TIAM1: variants seen among roughly 807,000 people sequenced by gnomAD.
The protein encoded by TIAM1 is rho guanine nucleotide exchange factor TIAM1.
In TIAM1, 65 loss-of-function variants were observed where a neutral mutation model predicts 163.5. The observed-to-expected ratio is 0.40, with a 90% CI of 0.33 to 0.49. The LOEUF is 0.49. TIAM1 is among the 20% of genes least tolerant of loss of function. The pLI, the probability that TIAM1 is intolerant of heterozygous loss-of-function variation, is 0.77. For missense variants in TIAM1, 1,789 were observed against 2,044.7 expected, an observed-to-expected ratio of 0.87 and a Z score of 2.41; for synonymous variants, 833 against 810.1, an observed-to-expected ratio of 1.03 and a Z score of -0.48.
intron 2 of TIAM1, among the ~76,000 whole-genome samples, chr21:31,437,844 C>T (rs1182929869): frequency 6.6e-6 from 1 of 152,182 alleles, no homozygotes; most frequent in Non-Finnish European, 1.5e-5. Flanking sequence ...GCCAATTAAA[C>T]CTCTTCTCTT....
intron 1 of TIAM1, among the ~76,000 whole-genome samples, chr21:31,482,056 A>G (rs2046124956): frequency 1.0e-5 from 1 of 100,322 alleles, no homozygotes; most frequent in Admixed American, 1.1e-4. Context: ...AGGAACTGGG[A>G]CAAAGTGTGT....
intron 2 of TIAM1, among the ~76,000 whole-genome samples, chr21:31,388,528 C>T (rs1011197112): frequency 6.6e-6 from 1 of 152,104 alleles, no homozygotes; most frequent in Middle Eastern, 3.4e-3. Context: ...CATGGTGATG[C>T]ACACCTATAG....
At chr21:31,407,932 C>A (rs1439586826) in intron 2 of TIAM1, among the ~76,000 whole-genome samples, 2 of 152,108 alleles carry the variant, frequency 1.3e-5, no homozygotes, top group Non-Finnish European at 1.5e-5. Context: ...GCCACCGGGC[C>A]CAGCCTAAAT....
At chr21:31,539,426 C>T (rs1018165024) in intron 1 of TIAM1, among the ~76,000 whole-genome samples, 2 of 151,210 alleles carry the variant, frequency 1.3e-5, no homozygotes, top group African/African-American at 2.5e-5. Context: ...CCACCACACC[C>T]GGCTAATTTT....
chr21:31,411,193 G>A (rs2077351845), intron 2 of TIAM1, among the ~76,000 whole-genome samples: 2 of 152,150 alleles, frequency 1.3e-5, no homozygotes, highest in Non-Finnish European at 2.9e-5. Flanking sequence ...GGGCAAAGAG[G>A]AGAGTAAGAA....
At chr21:31,207,325 T>C (rs536478595) in intron 11 of TIAM1, among the ~76,000 whole-genome samples, 5 of 152,276 alleles carry the variant, frequency 3.3e-5, no homozygotes, top group Non-Finnish European at 5.9e-5. Context: ...GGCAAACTGA[T>C]GTGAAATGAT....
At position 31,141,313 on chromosome 21, in the gene TIAM1, G is replaced by C; in HGVS notation, c.3655+12C>G. 6.2e-7 allele frequency: 1 copy of C among 1,613,842 alleles called. No individual in the cohort carries two copies. Among genetic ancestry groups the C allele is most frequent in the Non-Finnish European group, 8.5e-7 (1 of 1,179,840 alleles). ...GACTCAGGCCTGCCGGGGGTCCCAG[G>C]CCGAGGCCTACCGTCCAGGTGGTAG... On this transcript the variant is annotated intron_variant, in intron 21 of 27. Coordinates refer to ENST00000541036, the MANE Select transcript of TIAM1 (RefSeq NM_001353694.2). The surrounding 1 kb of genome is among the most constrained non-coding windows in gnomAD (Gnocchi z 4.7).
At chr21:31,465,781 T>G (rs377678431) in intron 1 of TIAM1, among the ~76,000 whole-genome samples, 4 of 152,158 alleles carry the variant, frequency 2.6e-5, no homozygotes, top group East Asian at 3.9e-4. Context: ...CGTGTTAGCC[T>G]GGATGGTCTC....
intron 2 of TIAM1, among the ~76,000 whole-genome samples, chr21:31,351,422 G>T (rs1409603505): frequency 1.3e-5 from 2 of 152,116 alleles, no homozygotes; most frequent in Admixed American, 6.5e-5. Context: ...TAATTTGGGG[G>T]CTCCAACCTA....
chr21:31,497,103 T>C, intron 1 of TIAM1, among the ~76,000 whole-genome samples: 1 of 152,224 alleles, frequency 6.6e-6, no homozygotes, highest in Non-Finnish European at 1.5e-5. Context: ...TAACAGGCCA[T>C]TGACCGGTAT....
intron 1 of TIAM1, among the ~76,000 whole-genome samples, chr21:31,466,267 G>A (rs2045528772): frequency 6.6e-6 from 1 of 152,142 alleles, no homozygotes. Context: ...TCTGTGGAGG[G>A]GAAATTACTA....
chr21:31,539,466 C>T (rs184338014), intron 1 of TIAM1, among the ~76,000 whole-genome samples: 1 of 151,700 alleles, frequency 6.6e-6, no homozygotes, highest in African/African-American at 2.4e-5. Flanking sequence ...GGGGTTTCAC[C>T]GTGTTAGCCA....
chr21:31,247,017 G>T (rs184940355), intron 5 of TIAM1, among the ~76,000 whole-genome samples: 1 of 152,062 alleles, frequency 6.6e-6, no homozygotes, highest in Non-Finnish European at 1.5e-5. Context: ...CTATGCTAAT[G>T]CTTTTTTGAA....
At chr21:31,185,179 C>T (rs1303775288) in intron 14 of TIAM1, among the ~76,000 whole-genome samples, 2 of 151,882 alleles carry the variant, frequency 1.3e-5, no homozygotes, top group Non-Finnish European at 2.9e-5. Context: ...CTACAAATCC[C>T]ATAGCAAGAA....
intron 2 of TIAM1, among the ~76,000 whole-genome samples, chr21:31,393,646 C>T (rs1356830972): frequency 6.6e-6 from 1 of 152,138 alleles, no homozygotes; most frequent in African/African-American, 2.4e-5. Flanking sequence ...TCAGTACCTC[C>T]TTGGACTTCA....
chr21:31,469,497 G>C (rs984159667), intron 1 of TIAM1, among the ~76,000 whole-genome samples: 4 of 152,110 alleles, frequency 2.6e-5, no homozygotes, highest in Admixed American at 2.0e-4. Flanking sequence ...GCCTCTGACT[G>C]ACAACAGTAG....
At chr21:31,408,883 A>G (rs2147233928) in intron 2 of TIAM1, among the ~76,000 whole-genome samples, 1 of 152,248 alleles carries the variant, frequency 6.6e-6, no homozygotes, top group Admixed American at 6.5e-5. Flanking sequence ...TCGGAAACCT[A>G]GAAGTGGGGC....
intron 1 of TIAM1, among the ~76,000 whole-genome samples, chr21:31,343,093 A>C (rs1209110279): frequency 6.6e-6 from 1 of 152,222 alleles, no homozygotes; most frequent in Non-Finnish European, 1.5e-5. Context: ...TCTTCCCCTC[A>C]AAGTAAGATG....
chr21:31,468,980 A>T (rs1338303895), intron 1 of TIAM1, among the ~76,000 whole-genome samples: 3 of 151,854 alleles, frequency 2.0e-5, no homozygotes, highest in African/African-American at 7.3e-5. Context: ...TCCCCACAGC[A>T]GCACCTGGAG....
Sources: gnomAD v4.1 joint callset for allele counts (sites outside exome capture counted in the v4.1 genomes callset) on GRCh38, gnomAD v4.1.1 for gene constraint, Gnocchi (gnomAD v3.1) non-coding constraint, MANE v1.5 for transcripts, NCBI Gene and HGNC (gene_info 2026-07-23, HGNC 2026-07-21) for gene names.